The following SOS2 variants were observed in gnomAD, a reference collection of about 807,000 sequenced individuals.
The protein encoded by SOS2 is SOS Ras/Rho guanine nucleotide exchange factor 2.
In SOS2, 65 loss-of-function variants were observed where a neutral mutation model predicts 148.2. The ratio of observed to expected loss-of-function variants is 0.44; its 90% CI spans 0.36 to 0.54. The LOEUF (loss-of-function observed/expected upper bound fraction) is 0.54. Ranked by LOEUF, SOS2 falls within the 20% of genes least tolerant of loss-of-function variation. SOS2 has a pLI of 0.00. For synonymous variants in SOS2, 539 were observed against 537.1 expected, an observed-to-expected ratio of 1.00 and a Z score of -0.05; for missense variants, 1,341 against 1,590.2, an observed-to-expected ratio of 0.84 and a Z score of 2.67.
At chr14:50,134,309 C>T (rs1285200556) in intron 18 of SOS2, 70 bp from the exon 19 acceptor site, 1 of 754,570 alleles carries the variant, frequency 1.3e-6, no homozygotes, top group Non-Finnish European at 2.2e-6. Context: ...AAAATAAGAT[C>T]TCATTAAAAT....
intron 4 of SOS2, among the ~76,000 whole-genome samples, chr14:50,195,957 G>A (rs1886298601): frequency 6.6e-6 from 1 of 151,762 alleles, no homozygotes; most frequent in African/African-American, 2.4e-5. Context: ...AACCTGGGAG[G>A]CGGAGGTTGC....
At chr14:50,121,596 C>T (rs911161992) in intron 21 of SOS2, among the ~76,000 whole-genome samples, 1 of 146,842 alleles carries the variant, frequency 6.8e-6, no homozygotes, top group African/African-American at 2.6e-5. Context: ...ATGAGGTTGG[C>T]AGATGGTGTG....
intron 13 of SOS2, among the ~76,000 whole-genome samples, chr14:50,151,038 T>C (rs1209661399): frequency 6.6e-6 from 1 of 152,164 alleles, no homozygotes; most frequent in Non-Finnish European, 1.5e-5. Flanking sequence ...TTTGTATTTT[T>C]AGTAGAAATA....
At chr14:50,158,725 C>G in intron 10 of SOS2, 79 bp from the exon 11 acceptor site, 1 of 880,338 alleles carries the variant, frequency 1.1e-6, no homozygotes, top group Non-Finnish European at 1.8e-6. Flanking sequence ...ATTTGGAGGC[C>G]TTCCTCCCTT....
intron 12 of SOS2, 35 bp from the exon 13 acceptor site, chr14:50,153,208 CA>C (rs781199024): frequency 1.5e-5 from 18 of 1,237,190 alleles, no homozygotes; most frequent in Non-Finnish European, 2.1e-5. Flanking sequence ...TTTAGTGAAA[CA>C]TAAGTGTTCA....
intron 12 of SOS2, among the ~76,000 whole-genome samples, chr14:50,153,607 C>A (rs1884729590): frequency 6.6e-6 from 1 of 152,000 alleles, no homozygotes; most frequent in Admixed American, 6.6e-5. Flanking sequence ...CAAGTGCTAT[C>A]ATCAAATTTC....
intron 1 of SOS2, among the ~76,000 whole-genome samples, chr14:50,217,884 G>A (rs992678762): frequency 6.6e-6 from 1 of 152,098 alleles, no homozygotes; most frequent in South Asian, 2.1e-4. Flanking sequence ...TGAACCCGGA[G>A]GCAGAGCTTG....
At chr14:50,188,732 T>C in intron 4 of SOS2, 32 bp from the exon 5 acceptor site, 13 of 1,419,612 alleles carry the variant, frequency 9.2e-6, no homozygotes, top group Non-Finnish European at 1.3e-5. Context: ...TGTATAAATT[T>C]ATTTTCTTTA....
At position 50,188,432 on chromosome 14, in the gene SOS2, T is replaced by G. The variant is rs371502031; in HGVS notation, c.714+65A>C. On this transcript the variant is annotated intron_variant, in intron 5 of 22. Transcript: ENST00000216373. ...CAAAAAAATAAAAAAAAGTGACTAT[T>G]TATGATTTTAAGCTGGTCTGGTTTT... 13 of 423,364 alleles carry G rather than the reference T, an allele frequency of 3.1e-5. No homozygotes were observed. In the Middle Eastern group the frequency reaches 1.7e-3, roughly 57 times the overall value. 26.2% of individuals were successfully genotyped at this position (423,364 alleles called of 1,614,324 possible). A position where few individuals can be genotyped will look rare whatever the true frequency, so the allele number is the denominator to read the frequency against.
chr14:50,169,158 TA>T (rs1341125184), intron 8 of SOS2, among the ~76,000 whole-genome samples: 1 of 140,084 alleles, frequency 7.1e-6, no homozygotes, highest in African/African-American at 2.7e-5. Flanking sequence ...CTAAAAATAT[TA>T]AAAAAAATTA....
At chr14:50,124,997 T>C (rs146420902) in intron 21 of SOS2, among the ~76,000 whole-genome samples, 14 of 152,356 alleles carry the variant, frequency 9.2e-5, no homozygotes, top group African/African-American at 3.1e-4. Flanking sequence ...ACTTCTACGA[T>C]GGCACAGTGT....
intron 5 of SOS2, among the ~76,000 whole-genome samples, chr14:50,182,906 T>C (rs1458169491): frequency 6.6e-6 from 1 of 152,256 alleles, no homozygotes; most frequent in Non-Finnish European, 1.5e-5. Context: ...GTACTCGTTT[T>C]CTACATGTTT....
chr14:50,185,849 T>C (rs904325730), intron 5 of SOS2, among the ~76,000 whole-genome samples: 5 of 152,200 alleles, frequency 3.3e-5, no homozygotes, highest in African/African-American at 1.2e-4. Context: ...ACTTGAAATG[T>C]AATAACCTAA....
intron 21 of SOS2, among the ~76,000 whole-genome samples, chr14:50,129,300 G>GT (rs1883789910): frequency 6.6e-6 from 1 of 152,144 alleles, no homozygotes. Flanking sequence ...TTTGAAAAGG[G>GT]TAAGGAAGAA....
At chr14:50,145,918 T>C (rs1320964747) in intron 14 of SOS2, among the ~76,000 whole-genome samples, 1 of 152,142 alleles carries the variant, frequency 6.6e-6, no homozygotes, top group Non-Finnish European at 1.5e-5. Context: ...ATGGATCACC[T>C]GAGGTCAGGA....
At chr14:50,224,897 A>AAAAAAAAAAAG (rs1477987016) in intron 1 of SOS2, among the ~76,000 whole-genome samples, 1 of 150,776 alleles carries the variant, frequency 6.6e-6, no homozygotes, top group African/African-American at 2.4e-5. Context: ...AAAAAAAAAA[A>AAAAAAAAAAAG]AGAGAGAGAG....
In SOS2 at chr14:50,134,164, G is replaced by A; in HGVS notation, c.3034C>T (p.Leu1012=). The A allele has an allele frequency of 6.2e-7, 1 of 1,607,848 alleles. No individual in the cohort carries two copies. The highest frequency in any genetic ancestry group is 1.1e-5 in the South Asian group (1 of 90,578). Residue 1012 remains leucine (L), a synonymous_variant, in exon 19 of 23, where the codon CTA becomes TTA. Transcript: ENST00000216373. The stretch of plus-strand genomic sequence containing the variant: ...TTGCAGTTTCGAGGTTCAATTTCTA[G>A]TGACTTGTTGAACAAATAATCTGTA... ...EFTDYLFNKS[L]EIEPRNCKQP...
At chr14:50,156,549 G>C (rs552982535) in intron 12 of SOS2, 9 of 152,358 alleles carry the variant, frequency 5.9e-5, no homozygotes, top group African/African-American at 2.2e-4. Context: ...TTTTGTGAGA[G>C]ATAAGTGGGA....
At chr14:50,220,279 G>A (rs1298760979) in intron 1 of SOS2, among the ~76,000 whole-genome samples, 3 of 150,000 alleles carry the variant, frequency 2.0e-5, no homozygotes, top group Admixed American at 6.7e-5. Context: ...GGTGGCGGGC[G>A]CCTGTAGTCC....
Sources: allele counts gnomAD v4.1 joint callset (sites outside exome capture counted in the v4.1 genomes callset), GRCh38; gene constraint gnomAD v4.1.1; transcripts MANE v1.5; gene names NCBI Gene and HGNC (gene_info 2026-07-23, HGNC 2026-07-21).